Variants in RNF43 observed in about 807,000 individuals in gnomAD.
RNF43 encodes the protein ring finger protein 43, also known as E3 ubiquitin-protein ligase RNF43.
RNF43 carries 37 observed loss-of-function variants against 78.4 expected under a neutral mutation model. The ratio of observed to expected loss-of-function variants is 0.47; its 90% CI spans 0.36 to 0.62. RNF43 has a LOEUF of 0.62. Among genes scored for constraint, RNF43 ranks in the 20% least tolerant of loss-of-function variants. RNF43 has a pLI of 0.00. For synonymous variants in RNF43, 347 were observed against 395.0 expected (o/e 0.88, Z 1.44); for missense variants, 774 against 1,007.9 (o/e 0.77, Z 3.14).
chr17:58,404,547 A>C (rs995420150), intron 2 of RNF43, among the ~76,000 whole-genome samples: 2 of 152,234 alleles, frequency 1.3e-5, no homozygotes, highest in African/African-American at 4.8e-5. Flanking sequence ...GAGTAAAATA[A>C]CCTAATGTCA....
At chr17:58,377,070 C>G (rs893441764) in intron 2 of RNF43, among the ~76,000 whole-genome samples, 1 of 152,062 alleles carries the variant, frequency 6.6e-6, no homozygotes, top group Admixed American at 6.5e-5. Context: ...CTGATTTTTT[C>G]CCCTCCCTCC....
Position 58,358,722 on chromosome 17 carries a change from G to C in RNF43, c.1054C>G (p.His352Asp), listed in dbSNP as rs1294435675. ...IRQHPGHAHY[H>D]LPAAYLLGPS... Reference sequence around the variant, plus strand: ...CCCAACAGGTAGGCAGCAGGGAGGTGGTAGTGGGCATGGCCGGGATGCTGG... The same window carrying C: ...CCCAACAGGTAGGCAGCAGGGAGGTCGTAGTGGGCATGGCCGGGATGCTGG... Residue 352 changes from histidine to aspartate, a missense_variant, in exon 9 of 10, where the codon CAC becomes GAC. By Grantham distance (81) the His-to-Asp change is moderately conservative. Coordinates refer to ENST00000407977, the MANE Select transcript of RNF43 (RefSeq NM_017763.6). The surrounding 1 kb of genome is among the most constrained non-coding windows in gnomAD (Gnocchi z 6.2). 2 of 1,555,456 alleles carry C rather than the reference G, an allele frequency of 1.3e-6. No individual in the cohort carries two copies. The highest frequency in any genetic ancestry group is 1.7e-6 in the Non-Finnish European group (2 of 1,148,564).
At chr17:58,371,168 T>G in intron 2 of RNF43, 135 bp from the exon 3 acceptor site, 1 of 834,114 alleles carries the variant, frequency 1.2e-6, no homozygotes, top group Non-Finnish European at 1.7e-6. Context: ...GGCCTTATGA[T>G]TGGATTGCCT....
chr17:58,401,222 A>C (rs957201707), intron 2 of RNF43, among the ~76,000 whole-genome samples: 1 of 152,266 alleles, frequency 6.6e-6, no homozygotes, highest in Non-Finnish European at 1.5e-5. Context: ...CTTGAAAACC[A>C]GGTAAACCAG....
At chr17:58,382,535 A>G (rs1973342621) in intron 2 of RNF43, among the ~76,000 whole-genome samples, 1 of 152,138 alleles carries the variant, frequency 6.6e-6, no homozygotes, top group South Asian at 2.1e-4. Context: ...CCTGTTCACC[A>G]TCATGCCTAG....
At chr17:58,380,237 GC>G (rs3030932) in intron 2 of RNF43, among the ~76,000 whole-genome samples, 1 of 152,178 alleles carries the variant, frequency 6.6e-6, no homozygotes, top group Non-Finnish European at 1.5e-5. Context: ...GTACCACTGA[GC>G]CCCCTTGTTT....
At position 58,354,369 on chromosome 17, in the gene RNF43, T is replaced by G. The variant is rs1972640578; in HGVS notation, c.*574A>C. ...GGGAAAGCTTCAGGGACCCCTCCTT[T>G]TAGTGCTCAGGGCTCACCTATGCTA... On this transcript the variant is annotated 3_prime_UTR_variant, in exon 10 of 10. Coordinates refer to ENST00000407977, the MANE Select transcript of RNF43 (RefSeq NM_017763.6). The G allele has an allele frequency of 4.7e-6, 1 of 211,544 alleles. No homozygotes were observed. Among genetic ancestry groups the G allele is most frequent in the Admixed American group, 5.6e-5 (1 of 17,892 alleles). The allele number at this position is 211,544 out of a possible 1,614,324, so 13.1% of individuals were successfully genotyped here.
At chr17:58,370,867 C>A (rs1380059443) in intron 3 of RNF43, 44 bp downstream of exon 3, 1 of 1,517,922 alleles carries the variant, frequency 6.6e-7, no homozygotes, top group Non-Finnish European at 8.9e-7. Flanking sequence ...CAGCCCAGAG[C>A]TGGGTGAAGC....
chr17:58,398,941 G>C (rs1973739119), intron 2 of RNF43, among the ~76,000 whole-genome samples: 1 of 152,202 alleles, frequency 6.6e-6, no homozygotes, highest in Non-Finnish European at 1.5e-5. Context: ...CCCAAGAAGT[G>C]CCTTCGGAGA....
At chr17:58,369,557 G>A (rs185409538) in intron 3 of RNF43, among the ~76,000 whole-genome samples, 23 of 152,320 alleles carry the variant, frequency 1.5e-4, no homozygotes, top group African/African-American at 4.8e-4. Context: ...GGGCATACCC[G>A]TGTGTGCCAC....
Position 58,353,957 on chromosome 17 carries a change from C to T in RNF43, c.*986G>A, listed in dbSNP as rs1021226474. The T allele has an allele frequency of 5.4e-6, 1 of 186,062 alleles. No individual in the cohort carries two copies. The highest frequency in any genetic ancestry group is 1.1e-5 in the Non-Finnish European group (1 of 87,736). The allele number at this position is 186,062 out of a possible 1,614,324, so 11.5% of individuals were successfully genotyped here. On this transcript the variant is annotated 3_prime_UTR_variant, in exon 10 of 10. Coordinates refer to ENST00000407977, the MANE Select transcript of RNF43 (RefSeq NM_017763.6). ...CTCTTGTCCACTCAGTGAGGCCAGA[C>T]TTGTGCTCTAATCCACTCTCCTGTG...
In RNF43 at chr17:58,354,823, G is replaced by A; in HGVS notation, c.*120C>T. 1 of 917,668 alleles carries A rather than the reference G, an allele frequency of 1.1e-6. No homozygotes were observed. The highest frequency in any genetic ancestry group is 1.8e-6 in the Non-Finnish European group (1 of 559,022). 56.8% of individuals were successfully genotyped at this position (917,668 alleles called of 1,614,324 possible). ...AGTCCTCTTCCAGTGCTTCTAGGAA[G>A]TACGGCAAAAAGAATGGTGTTTGCT... is the stretch of plus-strand genomic sequence containing the variant. On this transcript the variant is annotated 3_prime_UTR_variant, in exon 10 of 10. Transcript: ENST00000407977.
In RNF43 at chr17:58,362,575, C is replaced by A. The variant is rs377765604; in HGVS notation, c.656G>T (p.Arg219Leu). The A allele has an allele frequency of 2.5e-6, 4 of 1,610,248 alleles. No homozygotes were observed. In the African/African-American group the frequency reaches 5.3e-5, roughly 22 times the overall value. Residue 219 changes from arginine (R) to leucine (L), a missense_variant, in exon 6 of 10, where the codon CGC becomes CTC. Physicochemically the swap from Arg to Leu is moderately radical, Grantham distance 102 (BLOSUM62 -2). Transcript: ENST00000407977. ...IFVIILASVL[R>L]IRCRPRHSRP... is the part of the protein sequence containing the mutation. ...GCTGTGGCGGGGGCGGCACCGGATG[C>A]GCAGCACCGAAGCCAGGATGATCAC...
At chr17:58,380,116 G>A (rs552207764) in intron 2 of RNF43, among the ~76,000 whole-genome samples, 1 of 152,296 alleles carries the variant, frequency 6.6e-6, no homozygotes, top group South Asian at 2.1e-4. Context: ...GAGGAACTCA[G>A]GGCTCAACCA....
chr17:58,370,643 A>G (rs1007693974), intron 3 of RNF43, among the ~76,000 whole-genome samples: 6 of 152,204 alleles, frequency 3.9e-5, no homozygotes, highest in Non-Finnish European at 4.4e-5. Flanking sequence ...GAGCAGGGGA[A>G]GGGACTCAGG....
intron 2 of RNF43, among the ~76,000 whole-genome samples, chr17:58,414,169 C>A (rs1216366364): frequency 6.6e-6 from 1 of 152,190 alleles, no homozygotes; most frequent in Non-Finnish European, 1.5e-5. Context: ...TTTATCCCAG[C>A]TTCAAAATAT....
rs2285990 is a variant in RNF43, at chr17:58,362,569, C to T, written c.662G>A (p.Arg221Gln). The T allele has an allele frequency of 2.5e-3, 3,956 of 1,608,752 alleles. 143 individuals are homozygous for T. The East Asian group carries it at 0.072, about 29-fold the overall frequency. ...VIILASVLRI[R>Q]CRPRHSRPDP... ...CGGCCTGCTGTGGCGGGGGCGGCACCGGATGCGCAGCACCGAAGCCAGGAT... is the reference window on the plus strand; with the variant it reads ...CGGCCTGCTGTGGCGGGGGCGGCACTGGATGCGCAGCACCGAAGCCAGGAT... Residue 221 changes from arginine (R) to glutamine (Q), a missense_variant, in exon 6 of 10, where the codon CGG becomes CAG. Transcript: ENST00000407977.
intron 2 of RNF43, among the ~76,000 whole-genome samples, chr17:58,396,911 T>C (rs1222979795): frequency 1.3e-5 from 2 of 152,182 alleles, no homozygotes; most frequent in African/African-American, 2.4e-5. Context: ...TCTCTGTCAC[T>C]GGTTGGTATG....
chr17:58,393,559 G>A (rs1314056725), intron 2 of RNF43, among the ~76,000 whole-genome samples: 1 of 152,166 alleles, frequency 6.6e-6, no homozygotes. Context: ...TAGGTTTTGG[G>A]GGTATCATAT....
Sources: allele counts gnomAD v4.1 joint callset (sites outside exome capture counted in the v4.1 genomes callset), GRCh38; gene constraint gnomAD v4.1.1; non-coding constraint Gnocchi (gnomAD v3.1); transcripts MANE v1.5; gene names NCBI Gene and HGNC (gene_info 2026-07-23, HGNC 2026-07-21).